Variants in SCAPER observed in about 807,000 individuals in gnomAD.
SCAPER encodes S-phase cyclin A associated protein in the ER.
In SCAPER, 98 loss-of-function variants were observed where a neutral mutation model predicts 182.2. The observed-to-expected ratio is 0.54, with a 90% CI of 0.46 to 0.64. The LOEUF is 0.64. SCAPER is among the 30% of genes least tolerant of loss of function. SCAPER has a pLI of 0.00. For synonymous variants in SCAPER, 605 were observed against 564.6 expected, an observed-to-expected ratio of 1.07 and a Z score of -1.01; for missense variants, 1,432 against 1,690.0, an observed-to-expected ratio of 0.85 and a Z score of 2.68.
chr15:76,863,466 G>A (rs1490619051), intron 2 of SCAPER, among the ~76,000 whole-genome samples: 2 of 152,140 alleles, frequency 1.3e-5, no homozygotes, highest in Admixed American at 6.5e-5. Context: ...ATCCTAAAGC[G>A]CAATACATTT....
chr15:76,765,273 A>T, intron 13 of SCAPER, 64 bp downstream of exon 13: 1 of 1,298,304 alleles, frequency 7.7e-7, no homozygotes, highest in Non-Finnish European at 1.1e-6. Context: ...AATTTTATTT[A>T]ACAGTCAAGA....
intron 27 of SCAPER, among the ~76,000 whole-genome samples, chr15:76,394,344 GA>G: frequency 6.6e-6 from 1 of 152,306 alleles, no homozygotes; most frequent in South Asian, 2.1e-4. Context: ...GAGGCTTACT[GA>G]AAAGATTCAA....
At chr15:76,420,405 A>G (rs1233510185) in intron 26 of SCAPER, among the ~76,000 whole-genome samples, 1 of 151,808 alleles carries the variant, frequency 6.6e-6, no homozygotes, top group East Asian at 1.9e-4. Context: ...AAAATCCTAA[A>G]GACTCCACCA....
intron 27 of SCAPER, among the ~76,000 whole-genome samples, chr15:76,389,758 C>T (rs568897495): frequency 1.5e-5 from 2 of 137,574 alleles, no homozygotes; most frequent in South Asian, 4.4e-4. Context: ...GTGGAGGCTG[C>T]AGGAGTGGAG....
At chr15:76,652,518 T>C (rs769622480) in intron 21 of SCAPER, among the ~76,000 whole-genome samples, 45 of 88,916 alleles carry the variant, frequency 5.1e-4, no homozygotes, top group African/African-American at 1.1e-3. Context: ...TTTACATACA[T>C]ACACACACAC....
At chr15:76,489,213 G>A (rs1426376751) in intron 24 of SCAPER, among the ~76,000 whole-genome samples, 2 of 135,644 alleles carry the variant, frequency 1.5e-5, no homozygotes, top group African/African-American at 5.4e-5. Context: ...AAAAGTAATT[G>A]TGGTTTTGCC....
At chr15:76,375,775 G>C (rs999207380) in intron 29 of SCAPER, among the ~76,000 whole-genome samples, 3 of 152,186 alleles carry the variant, frequency 2.0e-5, no homozygotes, top group African/African-American at 7.2e-5. Flanking sequence ...CTGAGGGTCA[G>C]GAGTTCAAGA....
intron 22 of SCAPER, among the ~76,000 whole-genome samples, chr15:76,589,233 G>A (rs935775902): frequency 1.3e-5 from 2 of 152,150 alleles, no homozygotes; most frequent in African/African-American, 4.8e-5. Context: ...AGGATCAGCT[G>A]TAGTAGTATA....
chr15:76,703,206 A>C (rs963634948), intron 18 of SCAPER, among the ~76,000 whole-genome samples: 1 of 152,220 alleles, frequency 6.6e-6, no homozygotes, highest in African/African-American at 2.4e-5. Flanking sequence ...GCTCCAGGAG[A>C]TATTAACAAG....
rs148806895 is a variant in SCAPER at position 76,783,773 on chromosome 15, A to C, written c.773-8656T>G. Among the ~76,000 whole-genome samples, 337 of 152,248 alleles carry C rather than the reference A, an allele frequency of 2.2e-3. 1 individual carries two copies. The highest frequency in any genetic ancestry group is 7.7e-3 in the African/African-American group (322 of 41,552). ...ATGTAATCCATTATATAAACAGAAAAAAAGACAAAAACCGCAATTATCTCA... is the reference window on the plus strand; with the variant it reads ...ATGTAATCCATTATATAAACAGAAACAAAGACAAAAACCGCAATTATCTCA... On this transcript the variant is annotated intron_variant, in intron 8 of 31. Coordinates refer to ENST00000563290, the MANE Select transcript of SCAPER (RefSeq NM_020843.4).
intron 24 of SCAPER, among the ~76,000 whole-genome samples, chr15:76,493,170 G>T (rs1445302784): frequency 6.6e-6 from 1 of 152,072 alleles, no homozygotes; most frequent in African/African-American, 2.4e-5. Flanking sequence ...TAAATTATAT[G>T]CATCCTAAAC....
intron 21 of SCAPER, among the ~76,000 whole-genome samples, chr15:76,658,718 A>G (rs2055876822): frequency 6.6e-6 from 1 of 152,208 alleles, no homozygotes. Flanking sequence ...GTATAAAAAC[A>G]GAAACATAGA....
At chr15:76,746,933 T>C (rs906991981) in intron 15 of SCAPER, among the ~76,000 whole-genome samples, 3 of 152,214 alleles carry the variant, frequency 2.0e-5, no homozygotes, top group African/African-American at 4.8e-5. Flanking sequence ...ATGGTAATAC[T>C]ACTCAAAAGG....
chr15:76,438,327 G>T (rs1208320384), intron 25 of SCAPER, among the ~76,000 whole-genome samples: 5 of 151,582 alleles, frequency 3.3e-5, no homozygotes, highest in Non-Finnish European at 5.9e-5. Flanking sequence ...GGGCTGTTGG[G>T]ATAATTCTGG....
intron 21 of SCAPER, among the ~76,000 whole-genome samples, chr15:76,646,497 T>G (rs1034594604): frequency 6.6e-6 from 1 of 152,192 alleles, no homozygotes; most frequent in Non-Finnish European, 1.5e-5. Context: ...TATTTCTACC[T>G]CTACACAAAC....
intron 24 of SCAPER, among the ~76,000 whole-genome samples, chr15:76,495,572 G>A (rs1304358230): frequency 8.6e-6 from 1 of 116,528 alleles, no homozygotes; most frequent in Non-Finnish European, 1.7e-5. Context: ...AGCAAGACTT[G>A]GTCTCAAAAA....
At chr15:76,851,626 A>G (rs1018600839) in intron 4 of SCAPER, among the ~76,000 whole-genome samples, 1 of 152,214 alleles carries the variant, frequency 6.6e-6, no homozygotes, top group African/African-American at 2.4e-5. Context: ...TCCTTTTCAG[A>G]TAAGCAAATG....
intron 23 of SCAPER, among the ~76,000 whole-genome samples, chr15:76,523,412 T>TC: frequency 6.6e-6 from 1 of 152,110 alleles, no homozygotes; most frequent in Non-Finnish European, 1.5e-5. Context: ...CCCAGGTCAG[T>TC]CACTGATTGT....
intron 17 of SCAPER, among the ~76,000 whole-genome samples, chr15:76,711,415 C>A (rs1307072512): frequency 6.6e-6 from 1 of 152,104 alleles, no homozygotes; most frequent in Non-Finnish European, 1.5e-5. Context: ...AATAAGCACA[C>A]TGACAACATG....
Sources: allele counts gnomAD v4.1 joint callset (sites outside exome capture counted in the v4.1 genomes callset), GRCh38; gene constraint gnomAD v4.1.1; transcripts MANE v1.5; gene names NCBI Gene and HGNC (gene_info 2026-07-23, HGNC 2026-07-21).